CAPS2: variants seen among roughly 807,000 people sequenced by gnomAD.
CAPS2 encodes the protein calcyphosine 2.
A neutral mutation model predicts 86.5 loss-of-function variants in CAPS2; 98 were observed. The ratio of observed to expected loss-of-function variants is 1.13; its 90% CI spans 0.96 to 1.34. The LOEUF is 1.34. CAPS2 is among the 40% of genes most tolerant of loss of function. The pLI, the probability that CAPS2 is intolerant of heterozygous loss-of-function variation, is 0.00. For missense variants in CAPS2, 729 were observed against 686.8 expected (o/e 1.06, Z -0.69); for synonymous variants, 210 against 225.1 (o/e 0.93, Z 0.60).
At chr12:75,329,854 C>G (rs2041137141), upstream of CAPS2, 2 of 1,543,918 alleles carry the variant, frequency 1.3e-6, no homozygotes, top group African/African-American at 1.4e-5. Flanking sequence ...AGAAGGAATT[C>G]CCCATCCCCT....
chr12:75,316,028 T>C (rs1412756556), intron 6 of CAPS2, among the ~76,000 whole-genome samples: 1 of 151,996 alleles, frequency 6.6e-6, no homozygotes, highest in Non-Finnish European at 1.5e-5. Context: ...GGGGAGGGGG[T>C]GACACCAAAT....
chr12:75,386,353 T>C (rs2045291408), intron 1 of CAPS2, among the ~76,000 whole-genome samples: 1 of 152,192 alleles, frequency 6.6e-6, no homozygotes, highest in Non-Finnish European at 1.5e-5. Flanking sequence ...TTTCTTACAG[T>C]TCTGGAGGCT....
upstream of CAPS2, chr12:75,334,862 G>T (rs1165199750): frequency 1.2e-6 from 2 of 1,614,002 alleles, no homozygotes; most frequent in African/African-American, 2.7e-5. Flanking sequence ...AACGAATGGC[G>T]TGGCAAAGTC....
intron 16 of CAPS2, among the ~76,000 whole-genome samples, chr12:75,281,357 T>C (rs2033910026): frequency 6.6e-6 from 1 of 151,880 alleles, no homozygotes; most frequent in Non-Finnish European, 1.5e-5. Flanking sequence ...AATTAGAACT[T>C]AAAATCTAAC....
intron 7 of CAPS2, among the ~76,000 whole-genome samples, chr12:75,310,858 AG>A (rs566508209): frequency 3.9e-5 from 6 of 152,158 alleles, no homozygotes; most frequent in Non-Finnish European, 7.3e-5. Flanking sequence ...CTTCTCTCAA[AG>A]GTAGCAGAAG....
intron 1 of CAPS2, among the ~76,000 whole-genome samples, chr12:75,367,599 T>G (rs934234453): frequency 6.6e-6 from 1 of 152,110 alleles, no homozygotes; most frequent in African/African-American, 2.4e-5. Context: ...TTTTAGAATT[T>G]TATTTGATAA....
chr12:75,285,167 T>A (rs2138118893), intron 14 of CAPS2, 87 bp from the exon 15 acceptor site: 1 of 1,304,124 alleles, frequency 7.7e-7, no homozygotes, highest in Middle Eastern at 1.9e-4. Context: ...TTACATCTTC[T>A]GTAGTCCTAG....
chr12:75,322,613 C>G (rs2040407771), intron 4 of CAPS2, among the ~76,000 whole-genome samples: 1 of 152,122 alleles, frequency 6.6e-6, no homozygotes, highest in South Asian at 2.1e-4. Context: ...CTCAAGGAGA[C>G]AATCTGGAAT....
chr12:75,371,409 G>A, intron 1 of CAPS2: 1 of 284,640 alleles, frequency 3.5e-6, no homozygotes, highest in Non-Finnish European at 7.3e-6. Context: ...ATTGAGGTGG[G>A]TCTGCTTTTC....
chr12:75,301,837 C>T (rs1256225337), intron 8 of CAPS2, among the ~76,000 whole-genome samples: 3 of 152,090 alleles, frequency 2.0e-5, no homozygotes, highest in Non-Finnish European at 4.4e-5. Context: ...ATGCAAAGTG[C>T]CATGTTGGGT....
intron 7 of CAPS2, among the ~76,000 whole-genome samples, chr12:75,307,122 C>T (rs1231662589): frequency 6.6e-6 from 1 of 152,070 alleles, no homozygotes; most frequent in Non-Finnish European, 1.5e-5. Flanking sequence ...CCTTGCCTGC[C>T]GCGATAATTA....
At chr12:75,364,299 G>T (rs892355899) in intron 1 of CAPS2, among the ~76,000 whole-genome samples, 2 of 152,202 alleles carry the variant, frequency 1.3e-5, no homozygotes, top group African/African-American at 4.8e-5. Flanking sequence ...AAAAGTAGAG[G>T]TCCATTCAGA....
At chr12:75,316,553 G>A in intron 5 of CAPS2, 119 bp from the exon 6 acceptor site, 1 of 931,208 alleles carries the variant, frequency 1.1e-6, no homozygotes, top group African/African-American at 1.7e-5. Context: ...ACAGTTAAAA[G>A]TACAGGCTCT....
chr12:75,319,881 T>C (rs549150330), intron 5 of CAPS2, among the ~76,000 whole-genome samples: 6 of 152,302 alleles, frequency 3.9e-5, no homozygotes, highest in African/African-American at 1.4e-4. Flanking sequence ...TAACAGAATT[T>C]ACTACTAGGC....
chr12:75,293,626 T>C (rs1271654368), intron 11 of CAPS2, among the ~76,000 whole-genome samples: 4 of 152,170 alleles, frequency 2.6e-5, no homozygotes, highest in Non-Finnish European at 5.9e-5. Flanking sequence ...GTTTGTTTAA[T>C]GAGAATGAGA....
chr12:75,380,354 C>G (rs1485502691), intron 1 of CAPS2, among the ~76,000 whole-genome samples: 2 of 152,104 alleles, frequency 1.3e-5, no homozygotes, highest in Non-Finnish European at 2.9e-5. Flanking sequence ...TAAATAAATT[C>G]CATTATCATC....
intron 1 of CAPS2, among the ~76,000 whole-genome samples, chr12:75,354,768 G>T (rs896767384): frequency 2.6e-5 from 4 of 152,132 alleles, no homozygotes; most frequent in African/African-American, 9.7e-5. Context: ...CATGGTACTG[G>T]TACAAAAACA....
At chr12:75,343,733 CA>C in intron 1 of CAPS2, 1 of 1,612,072 alleles carries the variant, frequency 6.2e-7, no homozygotes, top group Non-Finnish European at 8.5e-7. Context: ...AAAGCATGGG[CA>C]AACCAGTGCA....
At chr12:75,276,238 G>C, downstream of CAPS2, 1 of 1,542,250 alleles carries the variant, frequency 6.5e-7, no homozygotes, top group Admixed American at 2.0e-5. Context: ...GTTTGTCCTT[G>C]CTGGTCAACC....
Sources: allele counts gnomAD v4.1 joint callset (sites outside exome capture counted in the v4.1 genomes callset), GRCh38; gene constraint gnomAD v4.1.1; transcripts MANE v1.5; gene names NCBI Gene and HGNC (gene_info 2026-07-23, HGNC 2026-07-21).